The following MGLL variants were observed in gnomAD, a reference collection of about 807,000 sequenced individuals.
MGLL encodes lysophospholipase homolog.
Under a neutral mutation model 29.1 loss-of-function variants are expected in MGLL, and 7 were observed. The ratio of observed to expected loss-of-function variants is 0.24; its 90% CI spans 0.14 to 0.45. The LOEUF (loss-of-function observed/expected upper bound fraction) is 0.45. Among genes scored for constraint, MGLL ranks in the 20% least tolerant of loss-of-function variants. MGLL has a pLI of 0.99. For synonymous variants in MGLL, 148 were observed against 168.3 expected (o/e 0.88, Z 0.93); for missense variants, 356 against 413.6 (o/e 0.86, Z 1.21).
chr3:127,721,232 A>T, intron 4 of MGLL, 69 bp from the exon 5 acceptor site: 1 of 1,355,490 alleles, frequency 7.4e-7, no homozygotes, highest in South Asian at 1.2e-5. Flanking sequence ...AATAAACATG[A>T]CCAATGCAGT....
At chr3:127,809,191 T>C (rs2077618314) in intron 2 of MGLL, among the ~76,000 whole-genome samples, 1 of 152,196 alleles carries the variant, frequency 6.6e-6, no homozygotes, top group African/African-American at 2.4e-5. Flanking sequence ...TCTTCTCATC[T>C]TGCTCTCTCT....
chr3:127,706,215 A>G (rs571474308), intron 6 of MGLL, among the ~76,000 whole-genome samples: 5 of 152,262 alleles, frequency 3.3e-5, no homozygotes, highest in East Asian at 3.9e-4. Flanking sequence ...CTATGTTCCC[A>G]CGGAAGCCCA....
chr3:127,784,593 C>T (rs965784241), intron 2 of MGLL, among the ~76,000 whole-genome samples: 5 of 152,118 alleles, frequency 3.3e-5, no homozygotes, highest in African/African-American at 1.2e-4. Flanking sequence ...CAGGAAGAGC[C>T]CGTTGGCAGC....
chr3:127,744,089 G>A (rs2076396431), intron 3 of MGLL, among the ~76,000 whole-genome samples: 1 of 152,124 alleles, frequency 6.6e-6, no homozygotes, highest in Admixed American at 6.6e-5. Flanking sequence ...CCAGAATTCA[G>A]CATATGGGCT....
chr3:127,776,616 AGCAGC>A, intron 3 of MGLL, among the ~76,000 whole-genome samples: 1 of 152,272 alleles, frequency 6.6e-6, no homozygotes, highest in Middle Eastern at 3.4e-3. Context: ...CCTCTGTCCC[AGCAGC>A]GCATCCATGG....
intron 3 of MGLL, among the ~76,000 whole-genome samples, chr3:127,728,370 G>T (rs1018601018): frequency 6.6e-6 from 1 of 151,816 alleles, no homozygotes; most frequent in Non-Finnish European, 1.5e-5. Context: ...TCTATTCTCT[G>T]TCTAATCTAT....
intron 6 of MGLL, among the ~76,000 whole-genome samples, chr3:127,699,531 CT>C (rs1403819907): frequency 1.3e-5 from 2 of 152,118 alleles, no homozygotes; most frequent in Non-Finnish European, 2.9e-5. Context: ...TTATTATTAC[CT>C]TTTTACATAT....
intron 6 of MGLL, among the ~76,000 whole-genome samples, chr3:127,709,281 G>A (rs375411579): frequency 6.6e-6 from 1 of 152,176 alleles, no homozygotes; most frequent in Non-Finnish European, 1.5e-5. Context: ...GGCACTGTGG[G>A]CTTTAAAAAC....
Position 127,774,616 on chromosome 3 carries a change from A to G in MGLL, c.262+7173T>C, listed in dbSNP as rs564731290. Among the ~76,000 whole-genome samples the G allele has an allele frequency of 4.6e-5, 7 of 152,290 alleles. No individual in the cohort carries two copies. In the East Asian group the frequency reaches 1.4e-3, roughly 29 times the overall value. On this transcript the variant is annotated intron_variant, in intron 3 of 7. Transcript: ENST00000265052. ...TTCAATAGCTGCAAAGTCTCCCTGC[A>G]CCTTTCTTTGCAGGTGAGCTGGCAG...
chr3:127,726,541 G>A (rs541170855), intron 3 of MGLL, among the ~76,000 whole-genome samples: 3 of 152,080 alleles, frequency 2.0e-5, no homozygotes, highest in South Asian at 2.1e-4. Context: ...CCAGGTTCAC[G>A]CCTCAGCCTC....
chr3:127,756,570 G>A (rs2076668311), intron 3 of MGLL, among the ~76,000 whole-genome samples: 1 of 152,152 alleles, frequency 6.6e-6, no homozygotes, highest in Non-Finnish European at 1.5e-5. Context: ...CCCTTCTCTT[G>A]GGAACTGAGA....
In MGLL at chr3:127,690,080, G is replaced by A. The variant is rs1163179418; in HGVS notation, c.*2118C>T. ...TGGTGATGCCACCACATGCATCTGG[G>A]GGAGGCAGCAGGGAGGCGTAGGGAC... On this transcript the variant is annotated 3_prime_UTR_variant, in exon 8 of 8. Coordinates refer to ENST00000265052, the MANE Select transcript of MGLL (RefSeq NM_007283.7). The A allele has an allele frequency of 5.3e-5, 8 of 152,176 alleles. No individual in the cohort carries two copies. Among genetic ancestry groups the A allele is most frequent in the Non-Finnish European group, 1.0e-4 (7 of 68,062 alleles). The allele number at this position is 152,176 out of a possible 1,614,324, so 9.4% of individuals were successfully genotyped here.
intron 5 of MGLL, among the ~76,000 whole-genome samples, chr3:127,715,157 G>A (rs188501847): frequency 1.1e-4 from 16 of 152,242 alleles, no homozygotes; most frequent in Admixed American, 9.2e-4. Context: ...TGATTGTATT[G>A]GCCAAAGTGG....
At chr3:127,793,841 C>T (rs763770382) in intron 2 of MGLL, among the ~76,000 whole-genome samples, 4 of 152,114 alleles carry the variant, frequency 2.6e-5, no homozygotes, top group East Asian at 1.9e-4. Flanking sequence ...GGATTACAGG[C>T]GTGAGCCACT....
intron 6 of MGLL, among the ~76,000 whole-genome samples, chr3:127,710,097 G>A (rs2107605393): frequency 6.6e-6 from 1 of 152,352 alleles, no homozygotes; most frequent in African/African-American, 2.4e-5. Context: ...CACTGGGGTT[G>A]CTCAGGTAAA....
intron 3 of MGLL, among the ~76,000 whole-genome samples, chr3:127,774,337 C>T (rs992173879): frequency 9.2e-5 from 14 of 152,308 alleles, no homozygotes; most frequent in Middle Eastern, 3.4e-3. Flanking sequence ...AGAGGGAGCC[C>T]CTCTCCCTGG....
chr3:127,787,159 A>G (rs1431162453), intron 2 of MGLL, among the ~76,000 whole-genome samples: 2 of 152,180 alleles, frequency 1.3e-5, no homozygotes, highest in Admixed American at 1.3e-4. Flanking sequence ...GGGACAACTC[A>G]CATTCTCATG....
chr3:127,779,550 C>T (rs1037284731), intron 3 of MGLL, among the ~76,000 whole-genome samples: 1 of 151,270 alleles, frequency 6.6e-6, no homozygotes, highest in Non-Finnish European at 1.5e-5. Flanking sequence ...AATGCAGCGG[C>T]GCAGGACCTT....
chr3:127,775,004 C>A (rs1404065001), intron 3 of MGLL, among the ~76,000 whole-genome samples: 2 of 152,136 alleles, frequency 1.3e-5, no homozygotes, highest in African/African-American at 4.8e-5. Flanking sequence ...AGAGGGCACA[C>A]AAACTCATAT....
Sources: gnomAD v4.1 joint callset for allele counts (sites outside exome capture counted in the v4.1 genomes callset) on GRCh38, gnomAD v4.1.1 for gene constraint, MANE v1.5 for transcripts, NCBI Gene and HGNC (gene_info 2026-07-23, HGNC 2026-07-21) for gene names.